The following ZIM2 variants were observed in gnomAD, a reference collection of about 807,000 sequenced individuals.
ZIM2 encodes zinc finger imprinted 2, also known as zinc finger protein 656.
ZIM2 carries 14 observed loss-of-function variants against 38.6 expected under a neutral mutation model. That is an observed-to-expected ratio of 0.36 (90% CI 0.24 to 0.57). The LOEUF (loss-of-function observed/expected upper bound fraction) is 0.57. ZIM2 is among the 20% of genes least tolerant of loss of function. The pLI is 0.81. For synonymous variants in ZIM2, 247 were observed against 245.8 expected, an observed-to-expected ratio of 1.00 and a Z score of -0.04; for missense variants, 680 against 695.1, an observed-to-expected ratio of 0.98 and a Z score of 0.24.
chr19:56,796,167 G>T (rs760552267), intron 9 of ZIM2, among the ~76,000 whole-genome samples: 7 of 152,102 alleles, frequency 4.6e-5, no homozygotes, highest in Admixed American at 1.3e-4. Context: ...TTTGTTTTAG[G>T]ACCCCCCAGG....
chr19:56,808,038 G>GT (rs2049750046), intron 9 of ZIM2, among the ~76,000 whole-genome samples: 1 of 152,096 alleles, frequency 6.6e-6, no homozygotes, highest in African/African-American at 2.4e-5. Flanking sequence ...AAGAATGACT[G>GT]GGCTTTGAAC....
chr19:56,787,614 C>T (rs749537517), intron 10 of ZIM2, among the ~76,000 whole-genome samples: 1 of 151,980 alleles, frequency 6.6e-6, no homozygotes, highest in Non-Finnish European at 1.5e-5. Context: ...TAAAATGAGC[C>T]TCTTTTTCTA....
intron 3 of ZIM2, among the ~76,000 whole-genome samples, chr19:56,825,546 T>C (rs2060938566): frequency 7.1e-6 from 1 of 141,526 alleles, no homozygotes; most frequent in South Asian, 2.6e-4. Context: ...TGGACATAAA[T>C]GTAAAGATTT....
chr19:56,796,967 T>G (rs1452481490), intron 9 of ZIM2, among the ~76,000 whole-genome samples: 1 of 152,120 alleles, frequency 6.6e-6, no homozygotes, highest in African/African-American at 2.4e-5. Context: ...TACGTGAGGG[T>G]GAGCTGAAAG....
chr19:56,818,573 G>A (rs2146242167), intron 8 of ZIM2, 27 bp downstream of exon 8: 2 of 1,612,482 alleles, frequency 1.2e-6, no homozygotes, highest in East Asian at 4.5e-5. Context: ...ACTGGACTGG[G>A]AGTGACTGAG....
chr19:56,822,735 A>G lies in ZIM2; in HGVS notation c.190+18T>C, dbSNP rs1453625037. On this transcript the variant is annotated intron_variant, in intron 6 of 12. Coordinates refer to ENST00000629319, the MANE Select transcript of ZIM2 (RefSeq NM_001387356.1). Reference sequence around the variant, plus strand: ...TGCTCTATATCTCCTACTGGGAAAGAAAGTGGTTAAGACTCACTGCTTCTT... The same window carrying G: ...TGCTCTATATCTCCTACTGGGAAAGGAAGTGGTTAAGACTCACTGCTTCTT... 6.2e-7 allele frequency: 1 copy of G among 1,613,654 alleles called. No individual in the cohort carries two copies. The highest frequency in any genetic ancestry group is 2.2e-5 in the East Asian group (1 of 44,876).
chr19:56,784,544 G>A (rs2046495798), intron 10 of ZIM2, among the ~76,000 whole-genome samples: 1 of 152,150 alleles, frequency 6.6e-6, no homozygotes, highest in Non-Finnish European at 1.5e-5. Context: ...GCATTTTTAA[G>A]ACTGCTATCT....
At chr19:56,823,764 G>A in intron 4 of ZIM2, 85 bp from the exon 5 acceptor site, 1 of 1,464,730 alleles carries the variant, frequency 6.8e-7, no homozygotes, top group South Asian at 1.1e-5. Flanking sequence ...GCATCTCCCT[G>A]TCACAGACAC....
chr19:56,791,858 T>C (rs547094932), intron 9 of ZIM2, among the ~76,000 whole-genome samples: 1 of 152,198 alleles, frequency 6.6e-6, no homozygotes, highest in Non-Finnish European at 1.5e-5. Flanking sequence ...CAGTCAAATT[T>C]TGGCAGAAGT....
chr19:56,781,958 G>C lies in ZIM2; in HGVS notation c.734C>G (p.Ser245Cys), dbSNP rs756682774. 6.2e-7 allele frequency: 1 copy of C among 1,613,514 alleles called. No individual in the cohort carries two copies. The highest frequency in any genetic ancestry group is 8.5e-7 in the Non-Finnish European group (1 of 1,179,608). ...TGTGGAGAAGGCATACTTACCCAGG[G>C]AGACCAGGTTCCGGTAATTCTCCAG... ...VMLENYRNLV[S>C]LGHQFSKPDI... The change falls in exon 11 of 13, where the codon TCC (serine) becomes TGC (cysteine). Residue 245 changes from serine to cysteine, a missense_variant. Physicochemically the swap from Ser to Cys is moderately radical, Grantham distance 112 (BLOSUM62 -1). Transcript: ENST00000629319.
At chr19:56,815,845 G>A in intron 9 of ZIM2, 2 of 1,613,624 alleles carry the variant, frequency 1.2e-6, no homozygotes, top group Non-Finnish European at 1.7e-6. Context: ...ATTAAGGTCT[G>A]AGATATAAAT....
At chr19:56,823,089 C>G in intron 5 of ZIM2, among the ~76,000 whole-genome samples, 1 of 152,206 alleles carries the variant, frequency 6.6e-6, no homozygotes, top group Non-Finnish European at 1.5e-5. Flanking sequence ...CAGTAGCTAA[C>G]CCCCACTTCA....
At chr19:56,834,709 A>AG (rs2061910186) in intron 2 of ZIM2, among the ~76,000 whole-genome samples, 1 of 152,190 alleles carries the variant, frequency 6.6e-6, no homozygotes, top group African/African-American at 2.4e-5. Context: ...TTGAGCACTG[A>AG]GGCCAGGAAT....
Position 56,781,972 on chromosome 19 carries a change from G to A in ZIM2, c.720C>T (p.Tyr240=). 2 of 1,613,722 alleles carry A rather than the reference G, an allele frequency of 1.2e-6. No individual in the cohort carries two copies. Among genetic ancestry groups the A allele is most frequent in the South Asian group, 1.1e-5 (1 of 91,062 alleles). The stretch of plus-strand genomic sequence containing the variant: ...ACTTACCCAGGGAGACCAGGTTCCG[G>A]TAATTCTCCAGCATCACCTCCCTGT... ...NLYREVMLEN[Y]RNLVSLGHQF... The change falls in exon 11 of 13, where the codon TAC becomes TAT. Residue 240 remains tyrosine, a synonymous_variant. Transcript: ENST00000629319.
chr19:56,839,200 C>T (rs1601340973), intron 1 of ZIM2, among the ~76,000 whole-genome samples: 1 of 152,166 alleles, frequency 6.6e-6, no homozygotes, highest in East Asian at 1.9e-4. Context: ...TCAGCCTTGC[C>T]CCGCCCCATC....
chr19:56,803,417 G>A (rs2047616627), intron 9 of ZIM2, among the ~76,000 whole-genome samples: 1 of 152,202 alleles, frequency 6.6e-6, no homozygotes, highest in South Asian at 2.1e-4. Flanking sequence ...GATGTGCTAT[G>A]TTCTCTCCCA....
At chr19:56,807,501 GCAA>G (rs1284504365) in intron 9 of ZIM2, among the ~76,000 whole-genome samples, 1 of 152,122 alleles carries the variant, frequency 6.6e-6, no homozygotes, top group Non-Finnish European at 1.5e-5. Flanking sequence ...CTCTGACAGG[GCAA>G]CAACAACAAA....
intron 12 of ZIM2, among the ~76,000 whole-genome samples, chr19:56,776,027 G>A (rs2045980841): frequency 6.6e-6 from 1 of 151,606 alleles, no homozygotes; most frequent in Non-Finnish European, 1.5e-5. Flanking sequence ...CTTGAACCCG[G>A]GAGGTGGAGG....
chr19:56,823,490 A>G, intron 5 of ZIM2, 100 bp downstream of exon 5: 1 of 1,368,706 alleles, frequency 7.3e-7, no homozygotes, highest in Non-Finnish European at 1.0e-6. Flanking sequence ...CCACTCGGGG[A>G]TGGCGGGTCA....
Sources: allele counts gnomAD v4.1 joint callset (sites outside exome capture counted in the v4.1 genomes callset), GRCh38; gene constraint gnomAD v4.1.1; transcripts MANE v1.5; gene names NCBI Gene and HGNC (gene_info 2026-07-23, HGNC 2026-07-21).